The following THSD4 variants were observed in gnomAD, a reference collection of about 807,000 sequenced individuals.
THSD4 encodes thrombospondin type 1 domain containing 4, also known as thrombospondin type-1 domain-containing protein 4.
A neutral mutation model predicts 119.0 loss-of-function variants in THSD4; 69 were observed. The ratio of observed to expected loss-of-function variants is 0.58; its 90% confidence interval spans 0.48 to 0.71. The LOEUF is 0.71. Ranked by LOEUF, THSD4 falls within the 30% of genes least tolerant of loss-of-function variation. The pLI is 0.00. For missense variants in THSD4, 1,393 were observed against 1,391.1 expected (o/e 1.00, Z -0.02); for synonymous variants, 524 against 540.4 (o/e 0.97, Z 0.42).
At chr15:71,744,715 C>T (rs756512261) in intron 11 of THSD4, among the ~76,000 whole-genome samples, 21 of 152,196 alleles carry the variant, frequency 1.4e-4, no homozygotes, top group Admixed American at 2.6e-4. Context: ...TTCTCTTTGA[C>T]GCTTCCAGAG....
intron 6 of THSD4, among the ~76,000 whole-genome samples, chr15:71,303,496 A>G (rs2044980504): frequency 6.6e-6 from 1 of 152,248 alleles, no homozygotes; most frequent in African/African-American, 2.4e-5. Flanking sequence ...AAAGCAGTAC[A>G]TTGAGGATGA....
chr15:71,684,054 T>C (rs2051854824), intron 8 of THSD4, among the ~76,000 whole-genome samples: 1 of 152,142 alleles, frequency 6.6e-6, no homozygotes, highest in South Asian at 2.1e-4. Context: ...GCCAGTGAAG[T>C]TTTGTTATTT....
At position 71,724,280 on chromosome 15, in the gene THSD4, TATATATA is replaced by T. The variant is rs781440570; in HGVS notation, c.1358-4268_1358-4262del. On this transcript the variant is annotated intron_variant, in intron 8 of 17. Coordinates refer to ENST00000261862, the MANE Select transcript of THSD4 (RefSeq NM_024817.3). ...CTCTATGATGGGATATATATATATA[TATATATA>T]TTTTTTTTTTCCCCCCAAGATGGAA... 3.5e-3 allele frequency among the ~76,000 whole-genome samples: 136 copies of T among 39,234 alleles called. 2 individuals are homozygous for T. The highest frequency in any genetic ancestry group is 7.2e-3 in the African/African-American group (123 of 17,074). 25.7% of individuals were successfully genotyped at this position (39,234 alleles called of 152,430 possible).
intron 15 of THSD4, among the ~76,000 whole-genome samples, chr15:71,764,176 G>A (rs1199856273): frequency 6.6e-6 from 1 of 152,186 alleles, no homozygotes; most frequent in Non-Finnish European, 1.5e-5. Context: ...AGCTCAGGAG[G>A]TTGAGGCCGC....
At chr15:71,431,940 A>C (rs1442018795) in intron 7 of THSD4, among the ~76,000 whole-genome samples, 2 of 152,184 alleles carry the variant, frequency 1.3e-5, no homozygotes, top group African/African-American at 4.8e-5. Flanking sequence ...GGAGGCATTC[A>C]CAGAAATAGG....
chr15:71,583,604 C>A (rs930443788), intron 7 of THSD4, among the ~76,000 whole-genome samples: 2 of 151,802 alleles, frequency 1.3e-5, no homozygotes, highest in Non-Finnish European at 2.9e-5. Context: ...TGTTGTGTTT[C>A]CATTTTTGTT....
intron 7 of THSD4, among the ~76,000 whole-genome samples, chr15:71,587,867 CAGAT>C (rs1014628731): frequency 1.3e-5 from 2 of 148,390 alleles, no homozygotes; most frequent in Non-Finnish European, 3.0e-5. Context: ...AAGAAAATGG[CAGAT>C]AGAGAGGTTA....
chr15:71,294,601 T>A (rs1316636222), intron 6 of THSD4, among the ~76,000 whole-genome samples: 14 of 152,136 alleles, frequency 9.2e-5, no homozygotes, highest in Admixed American at 9.2e-4. Context: ...GCCATGACCA[T>A]CTCGGTAACC....
At chr15:71,211,546 C>A (rs1187803880) in intron 3 of THSD4, among the ~76,000 whole-genome samples, 2 of 152,066 alleles carry the variant, frequency 1.3e-5, no homozygotes, top group East Asian at 3.9e-4. Flanking sequence ...ACCCTCATGA[C>A]CTCATCTAAA....
intron 7 of THSD4, among the ~76,000 whole-genome samples, chr15:71,475,864 T>C (rs745568203): frequency 6.6e-6 from 1 of 152,054 alleles, no homozygotes; most frequent in Admixed American, 6.5e-5. Flanking sequence ...AAGTTCAAGG[T>C]TTTAGTAAGC....
chr15:71,628,013 G>T (rs1005512570), intron 7 of THSD4, among the ~76,000 whole-genome samples: 1 of 152,184 alleles, frequency 6.6e-6, no homozygotes, highest in Non-Finnish European at 1.5e-5. Context: ...TAGGTAAGTG[G>T]CAGAGTTTGG....
intron 1 of THSD4, among the ~76,000 whole-genome samples, chr15:71,135,391 A>AC (rs932684003): frequency 6.8e-5 from 5 of 73,338 alleles, no homozygotes; most frequent in Non-Finnish European, 1.4e-4. Flanking sequence ...TTACTAAATG[A>AC]CAAAAAAAAA....
At chr15:71,236,889 G>A (rs181204347) in intron 4 of THSD4, among the ~76,000 whole-genome samples, 27 of 152,264 alleles carry the variant, frequency 1.8e-4, no homozygotes, top group Admixed American at 7.2e-4. Context: ...GTTGGAGGGC[G>A]GTTTGGACCA....
At chr15:71,098,189 CTTT>C (rs55726832) in intron 1 of THSD4, among the ~76,000 whole-genome samples, 2 of 83,256 alleles carry the variant, frequency 2.4e-5, no homozygotes, top group Non-Finnish European at 4.3e-5. Flanking sequence ...AATTCTTTCA[CTTT>C]TTTTTTTTTT....
At position 71,337,754 on chromosome 15, in the gene THSD4, C is replaced by G. The variant is rs181242295; in HGVS notation, c.1016-73933C>G. ...GGGCCTTTGCATACCCCAGGTGAACCTAGTAGAGGCTGAGCCCACCGGAGA... is the reference window on the plus strand; with the variant it reads ...GGGCCTTTGCATACCCCAGGTGAACGTAGTAGAGGCTGAGCCCACCGGAGA... On this transcript the variant is annotated intron_variant, in intron 6 of 17. Coordinates refer to ENST00000261862, the MANE Select transcript of THSD4 (RefSeq NM_024817.3). Among the ~76,000 whole-genome samples, 388 of 152,146 alleles carry G rather than the reference C, an allele frequency of 2.6e-3. 3 individuals are homozygous for G. Among genetic ancestry groups the G allele is most frequent in the African/African-American group, 8.8e-3 (364 of 41,520 alleles).
intron 10 of THSD4, among the ~76,000 whole-genome samples, chr15:71,737,438 G>A (rs966242575): frequency 6.6e-6 from 1 of 152,184 alleles, no homozygotes; most frequent in Non-Finnish European, 1.5e-5. Context: ...GAGTAAAGTT[G>A]AGGATTTTTG....
intron 6 of THSD4, chr15:71,342,999 C>T (rs770357528): frequency 6.6e-6 from 1 of 152,220 alleles, no homozygotes; most frequent in Non-Finnish European, 1.5e-5. Context: ...CCATTTTACC[C>T]ATATGCCAGA....
Position 71,561,913 on chromosome 15 carries a change from C to A in THSD4, c.1153-98617C>A, listed in dbSNP as rs1439148038. ...ACACACACACACACACACACACACACACACACAAACACTCACTCACTCTCT... is the reference window on the plus strand; with the variant it reads ...ACACACACACACACACACACACACAAACACACAAACACTCACTCACTCTCT... On this transcript the variant is annotated intron_variant, in intron 7 of 17. Coordinates refer to ENST00000261862, the MANE Select transcript of THSD4 (RefSeq NM_024817.3). Among the ~76,000 whole-genome samples, 70 of 36,934 alleles carry A rather than the reference C, an allele frequency of 1.9e-3. 1 individual carries two copies. Among genetic ancestry groups the A allele is most frequent in the African/African-American group, 9.2e-3 (63 of 6,820 alleles). 24.2% of individuals were successfully genotyped at this position (36,934 alleles called of 152,430 possible).
chr15:71,120,413 G>A (rs1477036055), intron 1 of THSD4, among the ~76,000 whole-genome samples: 2 of 152,072 alleles, frequency 1.3e-5, no homozygotes, highest in Non-Finnish European at 2.9e-5. Context: ...CAGCCTTTCC[G>A]AAGCTGATCA....
Sources: allele counts gnomAD v4.1 joint callset (sites outside exome capture counted in the v4.1 genomes callset), GRCh38; gene constraint gnomAD v4.1.1; transcripts MANE v1.5; gene names NCBI Gene and HGNC (gene_info 2026-07-23, HGNC 2026-07-21).